SUSD6: variants seen among roughly 807,000 people sequenced by gnomAD.
The protein encoded by SUSD6 is sushi domain-containing protein 6.
In SUSD6, 16 loss-of-function variants were observed where a neutral mutation model predicts 28.4. The ratio of observed to expected loss-of-function variants is 0.56; its 90% confidence interval spans 0.38 to 0.86. The LOEUF (loss-of-function observed/expected upper bound fraction) is 0.86, where lower values mean the gene tolerates loss of function less well. SUSD6 is among the 40% of genes least tolerant of loss of function. The pLI, the probability that SUSD6 is intolerant of heterozygous loss-of-function variation, is 0.00. For missense variants in SUSD6, 341 were observed against 384.2 expected (o/e 0.89, Z 0.94); for synonymous variants, 147 against 159.6 (o/e 0.92, Z 0.59).
At chr14:69,697,119 A>G (rs1389417035) in intron 2 of SUSD6, among the ~76,000 whole-genome samples, 1 of 152,152 alleles carries the variant, frequency 6.6e-6, no homozygotes, top group East Asian at 1.9e-4. Context: ...CTTCCTATGT[A>G]GCCGTGGCAT....
chr14:69,652,883 G>T (rs1172072766), intron 1 of SUSD6, among the ~76,000 whole-genome samples: 3 of 152,188 alleles, frequency 2.0e-5, no homozygotes, highest in Non-Finnish European at 4.4e-5. Context: ...CCCACCGTGC[G>T]TGTCATCATT....
chr14:69,675,878 G>A (rs566654546), intron 2 of SUSD6, among the ~76,000 whole-genome samples: 10 of 152,258 alleles, frequency 6.6e-5, no homozygotes, highest in Non-Finnish European at 1.5e-4. Context: ...TGAGTGGCTG[G>A]GATTACAGGT....
At chr14:69,616,271 A>C (rs1009911390) in intron 1 of SUSD6, among the ~76,000 whole-genome samples, 1 of 152,152 alleles carries the variant, frequency 6.6e-6, no homozygotes, top group Admixed American at 6.6e-5. Context: ...CTTTCTTGCT[A>C]CCCTTTGTAG....
chr14:69,655,573 T>C (rs916455071), intron 1 of SUSD6, among the ~76,000 whole-genome samples: 5 of 151,584 alleles, frequency 3.3e-5, no homozygotes, highest in Admixed American at 3.3e-4. Flanking sequence ...GAGTTAGGAG[T>C]ATCACTTGAG....
intron 2 of SUSD6, among the ~76,000 whole-genome samples, chr14:69,661,912 A>G (rs969847456): frequency 6.6e-6 from 1 of 152,038 alleles, no homozygotes; most frequent in Non-Finnish European, 1.5e-5. Flanking sequence ...CAGTCCTCCC[A>G]TCTCAGCCTC....
intron 1 of SUSD6, among the ~76,000 whole-genome samples, chr14:69,614,427 T>G (rs574712789): frequency 1.3e-5 from 2 of 152,304 alleles, no homozygotes; most frequent in East Asian, 3.9e-4. Context: ...CTTTGCTCTT[T>G]TGGTGGGGCA....
At chr14:69,625,137 C>T (rs868619925) in intron 1 of SUSD6, among the ~76,000 whole-genome samples, 4 of 152,258 alleles carry the variant, frequency 2.6e-5, no homozygotes, top group Admixed American at 6.5e-5. Context: ...GACTGTGTGG[C>T]TTCAGGTAGG....
In SUSD6 at chr14:69,703,401, C is replaced by A. The variant is rs771422730; in HGVS notation, c.128C>A (p.Pro43His). Residue 43 changes from proline to histidine, a missense_variant, in exon 3 of 6, where the codon CCC becomes CAC. Physicochemically the swap from Pro to His is moderately conservative, Grantham distance 77 (BLOSUM62 -2). Transcript: ENST00000342745. ...TCTCTCCCTGTCTTTGCAGTGTGCCCCCTACCACCGGAGCCAGAGAATGGT... is the reference window on the plus strand; with the variant it reads ...TCTCTCCCTGTCTTTGCAGTGTGCCACCTACCACCGGAGCCAGAGAATGGT... ...LLGDGLASVCPLPPEPENGGY... is the reference protein window; with the variant it reads ...LLGDGLASVCHLPPEPENGGY... 1 of 1,613,336 alleles carries A rather than the reference C, an allele frequency of 6.2e-7. No homozygotes were observed. The highest frequency in any genetic ancestry group is 1.7e-5 in the Admixed American group (1 of 60,002).
chr14:69,686,447 G>GT (rs1179240935), intron 2 of SUSD6, among the ~76,000 whole-genome samples: 7 of 152,296 alleles, frequency 4.6e-5, no homozygotes, highest in South Asian at 2.1e-4. Context: ...AGCCCTTTTT[G>GT]TAAGTGTGAA....
At chr14:69,705,723 C>T (rs1057226217) in intron 4 of SUSD6, among the ~76,000 whole-genome samples, 3 of 152,210 alleles carry the variant, frequency 2.0e-5, no homozygotes, top group Admixed American at 1.3e-4. Flanking sequence ...CACTGCACCA[C>T]ACTAAGGAGA....
At chr14:69,704,797 G>C in intron 4 of SUSD6, 55 bp downstream of exon 4, 1 of 1,584,028 alleles carries the variant, frequency 6.3e-7, no homozygotes, top group South Asian at 1.1e-5. Flanking sequence ...ATTACTGTGG[G>C]GGCCAGTCTT....
At chr14:69,637,970 G>A (rs1382744302) in intron 1 of SUSD6, among the ~76,000 whole-genome samples, 1 of 152,074 alleles carries the variant, frequency 6.6e-6, no homozygotes, top group African/African-American at 2.4e-5. Flanking sequence ...TCTTGGTTTT[G>A]TTCCAGCTGC....
intron 2 of SUSD6, among the ~76,000 whole-genome samples, chr14:69,673,870 A>C (rs1289119922): frequency 6.6e-6 from 1 of 152,078 alleles, no homozygotes; most frequent in Non-Finnish European, 1.5e-5. Flanking sequence ...GGGTAATGTG[A>C]GTGTGGACTA....
At chr14:69,661,224 C>T (rs1296807486) in intron 2 of SUSD6, among the ~76,000 whole-genome samples, 1 of 152,146 alleles carries the variant, frequency 6.6e-6, no homozygotes, top group Non-Finnish European at 1.5e-5. Flanking sequence ...TCTCTAGTGT[C>T]ATTAAGCTAT....
At chr14:69,612,745 C>T (rs989148236) in intron 1 of SUSD6, among the ~76,000 whole-genome samples, 1 of 152,168 alleles carries the variant, frequency 6.6e-6, no homozygotes, top group Admixed American at 6.5e-5. Context: ...CTTTGTTGCT[C>T]TCGCTAACTG....
chr14:69,642,770 G>C (rs76401690), intron 1 of SUSD6, among the ~76,000 whole-genome samples: 2 of 151,976 alleles, frequency 1.3e-5, no homozygotes, highest in Admixed American at 6.6e-5. Context: ...CTGACTCTGA[G>C]TGAGTTCTAG....
At chr14:69,676,056 G>T (rs1307689718) in intron 2 of SUSD6, among the ~76,000 whole-genome samples, 1 of 152,186 alleles carries the variant, frequency 6.6e-6, no homozygotes, top group Non-Finnish European at 1.5e-5. Context: ...GGAAGTCAGG[G>T]TCTCACAGTC....
chr14:69,635,286 T>C, intron 1 of SUSD6, among the ~76,000 whole-genome samples: 1 of 152,224 alleles, frequency 6.6e-6, no homozygotes. Flanking sequence ...GATGAAGTTG[T>C]GTGTTTTCTT....
At chr14:69,684,059 G>C (rs549365181) in intron 2 of SUSD6, among the ~76,000 whole-genome samples, 20 of 152,342 alleles carry the variant, frequency 1.3e-4, no homozygotes, top group African/African-American at 4.1e-4. Context: ...ACCACCCTAA[G>C]TAAAGCTTTG....
Sources: gnomAD v4.1 joint callset for allele counts (sites outside exome capture counted in the v4.1 genomes callset) on GRCh38, gnomAD v4.1.1 for gene constraint, MANE v1.5 for transcripts, NCBI Gene and HGNC (gene_info 2026-07-23, HGNC 2026-07-21) for gene names.